Variants in CCDC93 observed in about 807,000 individuals in gnomAD.
The protein encoded by CCDC93 is coiled-coil domain-containing protein 93.
Under a neutral mutation model 108.2 loss-of-function variants are expected in CCDC93, and 61 were observed. The observed-to-expected ratio is 0.56, with a 90% confidence interval of 0.46 to 0.70. The LOEUF is 0.70. CCDC93 is among the 30% of genes least tolerant of loss of function. CCDC93 has a pLI of 0.00. For missense variants in CCDC93, 685 were observed against 764.2 expected, an observed-to-expected ratio of 0.90 and a Z score of 1.22; for synonymous variants, 276 against 260.4, an observed-to-expected ratio of 1.06 and a Z score of -0.58.
chr2:117,957,599 C>T (rs1010152877), intron 12 of CCDC93, among the ~76,000 whole-genome samples: 1 of 152,192 alleles, frequency 6.6e-6, no homozygotes, highest in African/African-American at 2.4e-5. Flanking sequence ...CCTATTTAAA[C>T]ACGTCAATGG....
intron 7 of CCDC93, among the ~76,000 whole-genome samples, chr2:117,978,885 G>A (rs1276869472): frequency 2.0e-5 from 3 of 152,182 alleles, no homozygotes; most frequent in Admixed American, 1.3e-4. Flanking sequence ...GCACACGCCT[G>A]TAGTCCCAGC....
At chr2:117,922,634 A>G (rs1367105490) in intron 23 of CCDC93, among the ~76,000 whole-genome samples, 1 of 151,690 alleles carries the variant, frequency 6.6e-6, no homozygotes, top group Non-Finnish European at 1.5e-5. Flanking sequence ...GGTAGACAAC[A>G]ATGTTGTGTT....
chr2:117,975,113 C>T (rs780114951), intron 9 of CCDC93, 75 bp downstream of exon 9: 168 of 1,338,572 alleles, frequency 1.3e-4, no homozygotes, highest in Non-Finnish European at 1.5e-4. Context: ...CATTTGGGAA[C>T]GCTAGGGATA....
At chr2:117,935,703 C>A in intron 21 of CCDC93, 124 bp from the exon 22 acceptor site, 1 of 600,544 alleles carries the variant, frequency 1.7e-6, no homozygotes, top group Non-Finnish European at 2.8e-6. Flanking sequence ...CTTTGTAACG[C>A]ACAGTGGAGC....
chr2:117,964,804 T>C (rs1461441310), intron 11 of CCDC93, among the ~76,000 whole-genome samples: 1 of 152,192 alleles, frequency 6.6e-6, no homozygotes, highest in Admixed American at 6.5e-5. Context: ...GGTCTCACCA[T>C]GTTGCCCAGG....
chr2:117,985,694 G>A (rs1052964026), intron 7 of CCDC93, among the ~76,000 whole-genome samples: 4 of 152,124 alleles, frequency 2.6e-5, no homozygotes, highest in African/African-American at 9.7e-5. Context: ...ACAAACAGGG[G>A]CATGCAGGAC....
At chr2:117,945,027 A>C (rs1043469878) in intron 17 of CCDC93, among the ~76,000 whole-genome samples, 1 of 152,214 alleles carries the variant, frequency 6.6e-6, no homozygotes, top group African/African-American at 2.4e-5. Context: ...TTTGTAAATA[A>C]AGTTTTATTG....
chr2:117,938,038 A>T (rs371784605), intron 20 of CCDC93, among the ~76,000 whole-genome samples: 30 of 152,300 alleles, frequency 2.0e-4, no homozygotes, highest in African/African-American at 7.0e-4. Context: ...GTAGACTACA[A>T]GGTGACAAAA....
intron 20 of CCDC93, among the ~76,000 whole-genome samples, chr2:117,937,355 T>C (rs998459400): frequency 8.5e-5 from 13 of 152,160 alleles, no homozygotes; most frequent in African/African-American, 3.1e-4. Context: ...ACCTGGGTCA[T>C]CTTTCTGGCC....
At chr2:117,934,300 T>G (rs1041521397) in intron 22 of CCDC93, among the ~76,000 whole-genome samples, 1 of 152,144 alleles carries the variant, frequency 6.6e-6, no homozygotes, top group Non-Finnish European at 1.5e-5. Context: ...GACACCTGGG[T>G]TGTCAGAGGC....
At chr2:117,953,901 T>C (rs2104748991) in intron 12 of CCDC93, among the ~76,000 whole-genome samples, 1 of 151,826 alleles carries the variant, frequency 6.6e-6, no homozygotes, top group South Asian at 2.1e-4. Context: ...CTCAAAAAAA[T>C]GAAAATAAAA....
intron 23 of CCDC93, among the ~76,000 whole-genome samples, chr2:117,922,381 G>A (rs1677899257): frequency 6.6e-6 from 1 of 152,192 alleles, no homozygotes; most frequent in Admixed American, 6.5e-5. Flanking sequence ...CATCACCTCA[G>A]TCTCTTTCCT....
chr2:118,010,107 T>TTTG (rs1553460613), intron 1 of CCDC93, among the ~76,000 whole-genome samples: 22 of 150,840 alleles, frequency 1.5e-4, no homozygotes, highest in East Asian at 1.2e-3. Flanking sequence ...ACGCCCGTTT[T>TTTG]TTTGTTTGTT....
chr2:118,007,838 G>A (rs6743665), intron 2 of CCDC93, among the ~76,000 whole-genome samples: 139,200 of 152,272 alleles, frequency 0.91, 64,600 homozygotes, highest in East Asian at 1. Flanking sequence ...AACCCAGAGT[G>A]ATTCTGTTAG....
At chr2:117,952,575 C>T (rs764360818) in intron 12 of CCDC93, 140 bp from the exon 13 acceptor site, 7 of 648,224 alleles carry the variant, frequency 1.1e-5, no homozygotes, top group Non-Finnish European at 1.6e-5. Flanking sequence ...TTGCCAACAA[C>T]AAATGAAGAA....
intron 6 of CCDC93, among the ~76,000 whole-genome samples, chr2:117,994,697 A>G (rs1041031054): frequency 6.6e-6 from 1 of 152,240 alleles, no homozygotes; most frequent in African/African-American, 2.4e-5. Flanking sequence ...TACATCTGAT[A>G]TTTCATTTGG....
chr2:118,006,601 C>A lies in CCDC93; in HGVS notation c.251+121G>T, dbSNP rs1224877814. 4.4e-6 allele frequency: 3 copies of A among 686,270 alleles called. No individual in the cohort carries two copies. In the East Asian group the frequency reaches 8.2e-5, roughly 19 times the overall value. The allele number at this position is 686,270 out of a possible 1,614,324, so 42.5% of individuals were successfully genotyped here. A position where few individuals can be genotyped will look rare whatever the true frequency, so the allele number is the denominator to read the frequency against. ...TTTCATTTGTAAGGCAGGGATAATA[C>A]CTCTTGTAATAAAAGTTAAAATAAA... On this transcript the variant is annotated intron_variant, in intron 3 of 23. Coordinates refer to ENST00000376300, the MANE Select transcript of CCDC93 (RefSeq NM_019044.5).
Position 117,949,343 on chromosome 2 carries a change from A to C in CCDC93, c.1121T>G (p.Ile374Arg). 1 of 1,613,642 alleles carries C rather than the reference A, an allele frequency of 6.2e-7. No homozygotes were observed. The highest frequency in any genetic ancestry group is 8.5e-7 in the Non-Finnish European group (1 of 1,179,514). Residue 374 changes from isoleucine to arginine, a missense_variant, in exon 14 of 24, where the codon ATA becomes AGA. Coordinates refer to ENST00000376300, the MANE Select transcript of CCDC93 (RefSeq NM_019044.5). ...TTACCTTGGATCAGCTTTGGATTCT[A>C]TCTTCTCGAGGGCTGCTTGCTCTTT... ...LDKEQAALEKIESKADPSILQ... is the reference protein window; with the variant it reads ...LDKEQAALEKRESKADPSILQ...
At chr2:117,958,282 G>T in intron 12 of CCDC93, 83 bp downstream of exon 12, 1 of 867,492 alleles carries the variant, frequency 1.2e-6, no homozygotes, top group South Asian at 1.4e-5. Flanking sequence ...AAGCACCACA[G>T]TATGCCAACC....
Sources: gnomAD v4.1 joint callset for allele counts (sites outside exome capture counted in the v4.1 genomes callset) on GRCh38, gnomAD v4.1.1 for gene constraint, MANE v1.5 for transcripts, NCBI Gene and HGNC (gene_info 2026-07-23, HGNC 2026-07-21) for gene names.